The following TUBGCP4 variants were observed in gnomAD, a reference collection of about 807,000 sequenced individuals.
TUBGCP4 encodes tubulin gamma complex component 4.
A neutral mutation model predicts 91.6 loss-of-function variants in TUBGCP4; 54 were observed. The ratio of observed to expected loss-of-function variants is 0.59; its 90% CI spans 0.47 to 0.74. TUBGCP4 has a LOEUF of 0.74. Ranked by LOEUF, TUBGCP4 falls within the 30% of genes least tolerant of loss-of-function variation. TUBGCP4 has a pLI of 0.00. For missense variants in TUBGCP4, 593 were observed against 800.9 expected (o/e 0.74, Z 3.13); for synonymous variants, 297 against 302.8 (o/e 0.98, Z 0.20).
intron 10 of TUBGCP4, 149 bp from the exon 11 acceptor site, chr15:43,395,434 T>C (rs761293343): frequency 1.4e-6 from 1 of 718,296 alleles, no homozygotes; most frequent in Non-Finnish European, 2.4e-6. Context: ...GAACTAAGTA[T>C]GCCTCTTTGA....
chr15:43,406,166 A>G lies in TUBGCP4; in HGVS notation c.*952A>G, dbSNP rs1301693380. 2.6e-5 allele frequency: 4 copies of G among 153,002 alleles called. No individual in the cohort carries two copies. The highest frequency in any genetic ancestry group is 9.7e-5 in the African/African-American group (4 of 41,434). 9.5% of individuals were successfully genotyped at this position (153,002 alleles called of 1,614,324 possible). On this transcript the variant is annotated 3_prime_UTR_variant, in exon 18 of 18. Transcript: ENST00000564079. ...CAGGCCCAATTACCCATCTTACACAAACCATAGGGGTTGAAGTTATCTTAA... is the reference window on the plus strand; with the variant it reads ...CAGGCCCAATTACCCATCTTACACAGACCATAGGGGTTGAAGTTATCTTAA...
chr15:43,372,906 C>T (rs777967409), intron 1 of TUBGCP4, among the ~76,000 whole-genome samples: 12 of 152,146 alleles, frequency 7.9e-5, no homozygotes, highest in Non-Finnish European at 1.2e-4. Context: ...CCCCTGGGAG[C>T]GAAGACCAGT....
chr15:43,398,233 G>A, intron 13 of TUBGCP4, 54 bp downstream of exon 13: 1 of 1,574,928 alleles, frequency 6.3e-7, no homozygotes, highest in East Asian at 2.3e-5. Context: ...ACTTGTAAGG[G>A]AAGAAACTAG....
At chr15:43,397,953 T>C (rs1268512335) in intron 12 of TUBGCP4, 88 bp from the exon 13 acceptor site, 10 of 1,362,906 alleles carry the variant, frequency 7.3e-6, no homozygotes, top group Non-Finnish European at 1.0e-5. Context: ...AGCTCTAGTT[T>C]CATTAATGTT....
At chr15:43,392,965 C>A (rs1184493693) in intron 9 of TUBGCP4, among the ~76,000 whole-genome samples, 1 of 152,192 alleles carries the variant, frequency 6.6e-6, no homozygotes, top group African/African-American at 2.4e-5. Context: ...AGCCACTGAT[C>A]TGATCTACTC....
At chr15:43,404,370 G>A (rs750032171) in intron 16 of TUBGCP4, 43 bp from the exon 17 acceptor site, 10 of 1,611,198 alleles carry the variant, frequency 6.2e-6, no homozygotes, top group Non-Finnish European at 8.5e-6. Context: ...ATGGAGAGTT[G>A]GTGAGCTGAA....
At chr15:43,381,027 G>C (rs1029018231) in intron 6 of TUBGCP4, among the ~76,000 whole-genome samples, 1 of 151,838 alleles carries the variant, frequency 6.6e-6, no homozygotes, top group Non-Finnish European at 1.5e-5. Flanking sequence ...GGCTGGTCTC[G>C]AACTCCTAGG....
chr15:43,392,298 A>G (rs1182991011), intron 9 of TUBGCP4, among the ~76,000 whole-genome samples: 2 of 151,722 alleles, frequency 1.3e-5, no homozygotes, highest in Admixed American at 1.3e-4. Flanking sequence ...ACTGTGTCTC[A>G]CAAGTTTTTG....
chr15:43,376,470 C>T (rs1387991655), intron 2 of TUBGCP4, 33 bp from the exon 3 acceptor site: 5 of 1,614,050 alleles, frequency 3.1e-6, no homozygotes, highest in African/African-American at 1.3e-5. Flanking sequence ...AGGGCCTGAG[C>T]TGAGAAGTTG....
chr15:43,386,014 A>C (rs2044351493), intron 8 of TUBGCP4, 58 bp downstream of exon 8: 1 of 1,591,676 alleles, frequency 6.3e-7, no homozygotes. Context: ...CCTTAATACT[A>C]TGTGGCCCCA....
At chr15:43,377,148 A>C in intron 4 of TUBGCP4, 81 bp downstream of exon 4, 1 of 1,234,102 alleles carries the variant, frequency 8.1e-7, no homozygotes, top group South Asian at 1.3e-5. Flanking sequence ...GTTTTTGAGA[A>C]CTTTTTTTCT....
At position 43,385,314 on chromosome 15, in the gene TUBGCP4, G is replaced by C. The variant is rs2044338700; in HGVS notation, c.724-477G>C. On this transcript the variant is annotated intron_variant, in intron 7 of 17. Coordinates refer to ENST00000564079, the MANE Select transcript of TUBGCP4 (RefSeq NM_014444.5). ...TGTCTGGAAGATCCATAGCTTTTAT[G>C]ATTGCAGAGAGGTCTGTGACCTAAA... The C allele has an allele frequency of 6.6e-6, 3 of 455,082 alleles. No individual in the cohort carries two copies. In the Admixed American group the frequency reaches 7.1e-5, roughly 11 times the overall value. The allele number at this position is 455,082 out of a possible 1,614,324, so 28.2% of individuals were successfully genotyped here.
At chr15:43,375,570 A>G (rs1251662272) in intron 1 of TUBGCP4, among the ~76,000 whole-genome samples, 3 of 152,194 alleles carry the variant, frequency 2.0e-5, no homozygotes, top group Non-Finnish European at 4.4e-5. Context: ...ATGGACACTA[A>G]ATATATATGG....
rs371521709 is a variant in TUBGCP4, at chr15:43,407,381, C to T, written c.*2167C>T. On this transcript the variant is annotated 3_prime_UTR_variant, in exon 18 of 18. Transcript: ENST00000564079. ...GAATAAAACCAGTAAGACCAAGTAT[C>T]TTTAGTGAGAAACATAATCGTGTTT... 6.2e-7 allele frequency: 1 copy of T among 1,613,788 alleles called. No individual in the cohort carries two copies. Among genetic ancestry groups the T allele is most frequent in the Non-Finnish European group, 8.5e-7 (1 of 1,179,812 alleles).
chr15:43,381,915 G>A lies in TUBGCP4; in HGVS notation c.522-1388G>A, dbSNP rs945682885. Among the ~76,000 whole-genome samples, 19 of 152,190 alleles carry A rather than the reference G, an allele frequency of 1.2e-4. 1 individual carries two copies. Among genetic ancestry groups the A allele is most frequent in the Admixed American group, 1.2e-3 (19 of 15,290 alleles). ...CCCTAACACTTAAATACTTCAGCTT[G>A]TATCACTTTAGAAAAAAGGCATTCT... On this transcript the variant is annotated intron_variant, in intron 6 of 17. Coordinates refer to ENST00000564079, the MANE Select transcript of TUBGCP4 (RefSeq NM_014444.5).
rs1020568682 is a variant in TUBGCP4 at position 43,395,627 on chromosome 15, G to A, written c.1110G>A (p.Gln370=). The stretch of plus-strand genomic sequence containing the variant: ...TTCTGGGACGTGGAGAACTGTTTCA[G>A]GCCTTCATTGACACAGCTCAACACA... ...FYLLGRGELF[Q]AFIDTAQHML... is the part of the protein sequence containing the mutation. The change falls in exon 11 of 18, where the codon CAG becomes CAA. Residue 370 remains glutamine, a synonymous_variant. Transcript: ENST00000564079. 1 of 1,614,110 alleles carries A rather than the reference G, an allele frequency of 6.2e-7. No homozygotes were observed. Among genetic ancestry groups the A allele is most frequent in the Admixed American group, 1.7e-5 (1 of 60,014 alleles).
chr15:43,377,628 AGAAAAAAG>A, intron 4 of TUBGCP4: 1 of 471,730 alleles, frequency 2.1e-6, no homozygotes, highest in Non-Finnish European at 3.6e-6. Flanking sequence ...AAAAAAAAAA[AGAAAAAAG>A]AAAAAAAAGA....
chr15:43,395,173 T>C lies in TUBGCP4; in HGVS notation c.1065+16T>C, dbSNP rs200307951. On this transcript the variant is annotated intron_variant, in intron 10 of 17. Coordinates refer to ENST00000564079, the MANE Select transcript of TUBGCP4 (RefSeq NM_014444.5). ...TCAGCTGAAGGTAATGGCTTAGCTG[T>C]TGTAATTCTTACGGTGATGCTGGTA... is the stretch of plus-strand genomic sequence containing the variant. 1.4e-3 allele frequency: 2,320 copies of C among 1,613,626 alleles called. 5 individuals are homozygous for C. Among genetic ancestry groups the C allele is most frequent in the Non-Finnish European group, 1.9e-3 (2,221 of 1,179,556 alleles).
Position 43,409,654 on chromosome 15 carries a change from T to C in TUBGCP4, c.*4440T>C. ...CACAAAGAAACTCCTCACCTGGGCT[T>C]CATTGAAATCTTCAAGGATATAGCC... On this transcript the variant is annotated 3_prime_UTR_variant, in exon 18 of 18. Transcript: ENST00000564079. 1 of 1,538,510 alleles carries C rather than the reference T, an allele frequency of 6.5e-7. No homozygotes were observed. Among genetic ancestry groups the C allele is most frequent in the Non-Finnish European group, 8.8e-7 (1 of 1,140,600 alleles).
Sources: allele counts gnomAD v4.1 joint callset (sites outside exome capture counted in the v4.1 genomes callset), GRCh38; gene constraint gnomAD v4.1.1; transcripts MANE v1.5; gene names NCBI Gene and HGNC (gene_info 2026-07-23, HGNC 2026-07-21).